The following TIMM21 variants were observed in gnomAD, a reference collection of about 807,000 sequenced individuals.
TIMM21 encodes translocase of inner mitochondrial membrane 21, also known as mitochondrial import inner membrane translocase subunit Tim21.
Under a neutral mutation model 27.7 loss-of-function variants are expected in TIMM21, and 30 were observed. The observed-to-expected ratio is 1.08, with a 90% confidence interval of 0.81 to 1.47. The LOEUF (loss-of-function observed/expected upper bound fraction) is 1.47, where lower values mean the gene tolerates loss of function less well. TIMM21 is among the 40% of genes most tolerant of loss of function. The pLI, the probability that TIMM21 is intolerant of heterozygous loss-of-function variation, is 0.00. For synonymous variants in TIMM21, 121 were observed against 114.4 expected, an observed-to-expected ratio of 1.06 and a Z score of -0.37; for missense variants, 292 against 302.9, an observed-to-expected ratio of 0.96 and a Z score of 0.27.
chr18:74,152,323 C>G lies in TIMM21; in HGVS notation c.302-2822C>G, dbSNP rs1979832222. ...CTCCCTGAATCCCTTCCGCCCCAGA[C>G]CTCACCCACGCATTTTCTATCCTCT... is the stretch of plus-strand genomic sequence containing the variant. On this transcript the variant is annotated intron_variant, in intron 1 of 5. Transcript: ENST00000169551. The surrounding 1 kb of genome is among the most constrained non-coding windows in gnomAD (Gnocchi z 4.1). Among the ~76,000 whole-genome samples, 1 of 152,112 alleles carries G rather than the reference C, an allele frequency of 6.6e-6. No homozygotes were observed. Among genetic ancestry groups the G allele is most frequent in the Non-Finnish European group, 1.5e-5 (1 of 68,012 alleles).
intron 3 of TIMM21, 139 bp from the exon 4 acceptor site, chr18:74,157,875 G>C (rs1432274137): frequency 1.1e-6 from 1 of 876,526 alleles, no homozygotes; most frequent in Non-Finnish European, 1.7e-6. Flanking sequence ...GATTATAGGC[G>C]TGAGCCAGGA....
chr18:74,154,031 G>A (rs1461089540), intron 1 of TIMM21, among the ~76,000 whole-genome samples: 2 of 152,144 alleles, frequency 1.3e-5, no homozygotes, highest in East Asian at 1.9e-4. Flanking sequence ...ATAGCTCTTT[G>A]CATATATATG....
Position 74,158,059 on chromosome 18 carries a change from A to G in TIMM21, c.508A>G (p.Thr170Ala). 1 of 1,614,194 alleles carries G rather than the reference A, an allele frequency of 6.2e-7. No individual in the cohort carries two copies. Among genetic ancestry groups the G allele is most frequent in the Non-Finnish European group, 8.5e-7 (1 of 1,180,030 alleles). Residue 170 changes from threonine to alanine, a missense_variant, in exon 4 of 6, where the codon ACA (threonine) becomes GCA (alanine). Transcript: ENST00000169551. The stretch of plus-strand genomic sequence containing the variant: ...GTCTGTTAAAGGCTATGGGGAGGTG[A>G]CAAGGCGGGGTCGCCGGCAGCATGT... ...GESVKGYGEVTRRGRRQHVRF... is the reference protein window; with the variant it reads ...GESVKGYGEVARRGRRQHVRF...
chr18:74,149,588 GAAA>G (rs111793268), intron 1 of TIMM21, among the ~76,000 whole-genome samples: 1 of 149,514 alleles, frequency 6.7e-6, no homozygotes, highest in Admixed American at 6.6e-5. Flanking sequence ...TGATTTGTAG[GAAA>G]AAAAAAGACA....
At chr18:74,153,411 G>A (rs1437856617) in intron 1 of TIMM21, among the ~76,000 whole-genome samples, 1 of 152,232 alleles carries the variant, frequency 6.6e-6, no homozygotes. Context: ...CAATGACCCG[G>A]TTTGGGTAAC....
At chr18:74,151,139 T>C (rs575275573) in intron 1 of TIMM21, among the ~76,000 whole-genome samples, 4 of 152,294 alleles carry the variant, frequency 2.6e-5, no homozygotes, top group African/African-American at 9.6e-5. Flanking sequence ...GGTATCACTG[T>C]CAGCACAGAC....
chr18:74,153,936 T>C (rs773504702), intron 1 of TIMM21, among the ~76,000 whole-genome samples: 2 of 152,130 alleles, frequency 1.3e-5, no homozygotes, highest in Admixed American at 6.5e-5. Flanking sequence ...TCTATAAACA[T>C]AATGCCAGGA....
chr18:74,157,957 A>C (rs1979995584), intron 3 of TIMM21, 57 bp from the exon 4 acceptor site: 2 of 1,573,754 alleles, frequency 1.3e-6, no homozygotes, highest in East Asian at 4.5e-5. Flanking sequence ...GTTAAAAATT[A>C]TTTCTTTAGA....
chr18:74,154,194 A>G (rs976181330), intron 1 of TIMM21, among the ~76,000 whole-genome samples: 1 of 152,208 alleles, frequency 6.6e-6, no homozygotes, highest in Non-Finnish European at 1.5e-5. Flanking sequence ...GCGTACTTGT[A>G]TATGTATTTC....
In TIMM21 at chr18:74,152,375, G is replaced by A. The variant is rs531270802; in HGVS notation, c.302-2770G>A. On this transcript the variant is annotated intron_variant, in intron 1 of 5. Coordinates refer to ENST00000169551, the MANE Select transcript of TIMM21 (RefSeq NM_014177.3). This position sits in a 1 kb window ranked among gnomAD's most constrained non-coding sequence, Gnocchi z 4.1. ...GGTGCAATTTGAGTCTTGTTCTGCC[G>A]GGGAGGAGGCTCCTGCCCTTGGCAC... Among the ~76,000 whole-genome samples the A allele has an allele frequency of 6.6e-6, 1 of 152,068 alleles. No individual in the cohort carries two copies. The highest frequency in any genetic ancestry group is 2.4e-5 in the African/African-American group (1 of 41,386).
chr18:74,158,206 C>T lies in TIMM21; in HGVS notation c.572C>T (p.Thr191Met), dbSNP rs763864008. The change falls in exon 5 of 6, where the codon ACG becomes ATG. Residue 191 changes from threonine to methionine, a missense_variant. Physicochemically the swap from Thr to Met is moderately conservative, Grantham distance 81. Transcript: ENST00000169551. ...TATGTAAAAGATGGGCTGAAACACA[C>T]GTGTGTGAAATTCTACATTGAGGGC... ...TEYVKDGLKH[T>M]CVKFYIEGSE... The T allele has an allele frequency of 6.2e-6, 10 of 1,613,984 alleles. No individual in the cohort carries two copies. In the East Asian group the frequency reaches 6.7e-5, roughly 11 times the overall value.
intron 1 of TIMM21, among the ~76,000 whole-genome samples, chr18:74,150,291 C>T (rs1465996384): frequency 2.6e-5 from 4 of 152,206 alleles, no homozygotes; most frequent in Non-Finnish European, 5.9e-5. Context: ...AAACTTTCTG[C>T]ATAGAAATGT....
Position 74,155,334 on chromosome 18 carries a change from AC to A in TIMM21, c.394del (p.Leu132PhefsTer15), listed in dbSNP as rs1292920658. 1 of 1,613,516 alleles carries A rather than the reference AC, an allele frequency of 6.2e-7. No individual in the cohort carries two copies. The highest frequency in any genetic ancestry group is 8.5e-7 in the Non-Finnish European group (1 of 1,179,856). ...GGLFYTIFKE[L>X]FSSSSPSKIY... Reference sequence around the variant, plus strand: ...GCTTGTTTTACACGATTTTCAAAGAACTTTTTTCTTCATCCAGTCCTAGCAA... The same window carrying A: ...GCTTGTTTTACACGATTTTCAAAGAATTTTTTCTTCATCCAGTCCTAGCAA... On this transcript the variant is annotated frameshift_variant, in exon 3 of 6. Coordinates refer to ENST00000169551, the MANE Select transcript of TIMM21 (RefSeq NM_014177.3). LOFTEE classifies it high-confidence loss of function.
At chr18:74,156,450 C>T (rs898317619) in intron 3 of TIMM21, 7 of 395,216 alleles carry the variant, frequency 1.8e-5, no homozygotes, top group Non-Finnish European at 3.1e-5. Context: ...TTTAAATCCA[C>T]TGATTTCTCT....
intron 1 of TIMM21, among the ~76,000 whole-genome samples, chr18:74,151,936 T>C (rs1397829582): frequency 1.8e-4 from 19 of 107,032 alleles, no homozygotes; most frequent in Non-Finnish European, 1.0e-4. Context: ...GGTGTCTATG[T>C]TCCCCCCCCC....
In TIMM21 at chr18:74,149,230, G is replaced by T. The variant is rs1979715173; in HGVS notation, c.301+121G>T. The T allele has an allele frequency of 1.9e-5, 22 of 1,138,288 alleles. No individual in the cohort carries two copies. In the South Asian group the frequency reaches 3.7e-4, roughly 19 times the overall value. The allele number at this position is 1,138,288 out of a possible 1,614,324, so 70.5% of individuals were successfully genotyped here. On this transcript the variant is annotated intron_variant, in intron 1 of 5. Coordinates refer to ENST00000169551, the MANE Select transcript of TIMM21 (RefSeq NM_014177.3). ...CAATTCACATGAATTTTTAAAAACC[G>T]TTTAAACATAATTTAGAACTAGAAC...
chr18:74,158,120 G>A, intron 4 of TIMM21, 33 bp downstream of exon 4: 3 of 1,614,030 alleles, frequency 1.9e-6, no homozygotes, highest in Non-Finnish European at 2.5e-6. Context: ...GAGGCTCTGG[G>A]GAGATTTTTA....
rs2121927945 is a variant in TIMM21 at position 74,158,964 on chromosome 18, G to GT, written c.*485dup. The GT allele has an allele frequency of 6.1e-6, 1 of 163,470 alleles. No individual in the cohort carries two copies. The highest frequency in any genetic ancestry group is 6.3e-5 in the Admixed American group (1 of 15,984). The allele number at this position is 163,470 out of a possible 1,614,324, so 10.1% of individuals were successfully genotyped here. ...TGGTAAATACATTCTTCAAAATTGTGTGAGTTTTAGGAATCTGTCTCATAT... is the reference window on the plus strand; with the variant it reads ...TGGTAAATACATTCTTCAAAATTGTGTTGAGTTTTAGGAATCTGTCTCATAT... On this transcript the variant is annotated 3_prime_UTR_variant, in exon 6 of 6. Transcript: ENST00000169551.
intron 1 of TIMM21, among the ~76,000 whole-genome samples, chr18:74,149,981 A>G (rs1979755373): frequency 6.6e-6 from 1 of 152,206 alleles, no homozygotes; most frequent in Non-Finnish European, 1.5e-5. Flanking sequence ...CAAATATGGA[A>G]TATGCTGCGT....
Sources: allele counts gnomAD v4.1 joint callset (sites outside exome capture counted in the v4.1 genomes callset), GRCh38; gene constraint gnomAD v4.1.1; non-coding constraint Gnocchi (gnomAD v3.1); transcripts MANE v1.5; gene names NCBI Gene and HGNC (gene_info 2026-07-23, HGNC 2026-07-21).